Variants in CRISPLD1 observed in about 807,000 individuals in gnomAD.
CRISPLD1 encodes the protein cysteine-rich secretory protein LCCL domain-containing 1.
CRISPLD1 carries 60 observed loss-of-function variants against 77.5 expected under a neutral mutation model. The ratio of observed to expected loss-of-function variants is 0.77; its 90% CI spans 0.63 to 0.96. CRISPLD1 has a LOEUF of 0.96. Among genes scored for constraint, CRISPLD1 ranks in the 40% least tolerant of loss-of-function variants. The pLI, the probability that CRISPLD1 is intolerant of heterozygous loss-of-function variation, is 0.00. For missense variants in CRISPLD1, 623 were observed against 615.8 expected, an observed-to-expected ratio of 1.01 and a Z score of -0.12; for synonymous variants, 195 against 200.1, an observed-to-expected ratio of 0.97 and a Z score of 0.22.
intron 2 of CRISPLD1, 49 bp downstream of exon 2, chr8:74,986,294 C>CT (rs768475761): frequency 6.5e-7 from 1 of 1,547,176 alleles, no homozygotes; most frequent in East Asian, 2.3e-5. Context: ...TTTATTCATG[C>CT]TTTCAGTCAG....
At chr8:74,995,358 A>G (rs565536690) in intron 2 of CRISPLD1, among the ~76,000 whole-genome samples, 11 of 152,360 alleles carry the variant, frequency 7.2e-5, no homozygotes, top group South Asian at 6.2e-4. Flanking sequence ...GGCTACAGAA[A>G]TCTGATAATA....
At position 75,024,877 on chromosome 8, in the gene CRISPLD1, G is replaced by C. The variant is rs530388501; in HGVS notation, c.1245-669G>C. 6.0e-4 allele frequency among the ~76,000 whole-genome samples: 92 copies of C among 152,236 alleles called. 1 individual carries two copies. Among genetic ancestry groups the C allele is most frequent in the South Asian group, 8.3e-4 (4 of 4,820 alleles). On this transcript the variant is annotated intron_variant, in intron 12 of 14. Coordinates refer to ENST00000262207, the MANE Select transcript of CRISPLD1 (RefSeq NM_031461.6). ...TAAGGGAGGGATTGAGGATAGAAAG[G>C]TTTCTGGCCTGAGCACTTGGAATCA...
chr8:74,997,608 A>G (rs916007062), intron 2 of CRISPLD1, among the ~76,000 whole-genome samples: 2 of 152,160 alleles, frequency 1.3e-5, no homozygotes, highest in East Asian at 1.9e-4. Context: ...AAGGTTTTTT[A>G]TAGACAAGGG....
rs139635677 is a variant in CRISPLD1 at position 75,012,868 on chromosome 8, G to A, written c.378-22G>A. 6.0e-5 allele frequency: 95 copies of A among 1,593,932 alleles called. No individual in the cohort carries two copies. In the African/African-American group the frequency reaches 1.1e-3, roughly 18 times the overall value. ...TTTTCTCCAACTTTGCTTGCCCTCT[G>A]TGACTATTTTCTTTCTAATAGATAT... On this transcript the variant is annotated intron_variant, in intron 3 of 14. Transcript: ENST00000262207.
chr8:75,029,232 A>G, intron 13 of CRISPLD1, 155 bp from the exon 14 acceptor site: 1 of 767,486 alleles, frequency 1.3e-6, no homozygotes, highest in East Asian at 2.8e-5. Context: ...CGTTTCAAAC[A>G]CTCTTTTATG....
At chr8:75,025,272 A>G (rs891759182) in intron 12 of CRISPLD1, among the ~76,000 whole-genome samples, 1 of 152,178 alleles carries the variant, frequency 6.6e-6, no homozygotes, top group African/African-American at 2.4e-5. Flanking sequence ...AGATACATTG[A>G]GATGCTTTCT....
Position 75,034,326 on chromosome 8 carries a change from GAATT to G in CRISPLD1, c.*2089_*2092del, listed in dbSNP as rs1813409615. 6.6e-6 allele frequency: 1 copy of G among 151,922 alleles called. No individual in the cohort carries two copies. Among genetic ancestry groups the G allele is most frequent in the Admixed American group, 6.6e-5 (1 of 15,262 alleles). 9.4% of individuals were successfully genotyped at this position (151,922 alleles called of 1,614,324 possible). A position where few individuals can be genotyped will look rare whatever the true frequency, so the allele number is the denominator to read the frequency against. ...TAATATCTCCTTAAGATTGCTCTAC[GAATT>G]AATTGACACATTATGTGTGATGTAC... On this transcript the variant is annotated 3_prime_UTR_variant, in exon 15 of 15. Coordinates refer to ENST00000262207, the MANE Select transcript of CRISPLD1 (RefSeq NM_031461.6).
chr8:75,031,465 G>A (rs529437126), intron 14 of CRISPLD1, among the ~76,000 whole-genome samples: 10 of 151,806 alleles, frequency 6.6e-5, no homozygotes, highest in Non-Finnish European at 7.4e-5. Context: ...CTTGATTTAC[G>A]TTGCTAAATA....
intron 7 of CRISPLD1, 75 bp downstream of exon 7, chr8:75,016,780 A>G (rs1813037132): frequency 1.3e-6 from 2 of 1,560,542 alleles, no homozygotes; most frequent in Admixed American, 3.9e-5. Flanking sequence ...TATTAATTTG[A>G]ACATTTTTAG....
intron 2 of CRISPLD1, among the ~76,000 whole-genome samples, chr8:74,986,579 G>A (rs1332147254): frequency 2.0e-5 from 3 of 152,168 alleles, no homozygotes; most frequent in African/African-American, 7.2e-5. Context: ...CCTAATTCCT[G>A]ATAGAACCTT....
chr8:75,027,726 T>A (rs1161035056), intron 13 of CRISPLD1, among the ~76,000 whole-genome samples: 1 of 152,158 alleles, frequency 6.6e-6, no homozygotes, highest in African/African-American at 2.4e-5. Context: ...AGGATGGAAA[T>A]GTGAGAATCA....
intron 2 of CRISPLD1, among the ~76,000 whole-genome samples, chr8:75,008,606 ATAT>A (rs1812876154): frequency 6.6e-6 from 1 of 152,148 alleles, no homozygotes; most frequent in South Asian, 2.1e-4. Flanking sequence ...TTAGTCACTA[ATAT>A]TAATATTGAT....
At chr8:74,986,499 AG>A (rs527297011) in intron 2 of CRISPLD1, among the ~76,000 whole-genome samples, 19 of 152,308 alleles carry the variant, frequency 1.2e-4, no homozygotes, top group African/African-American at 4.1e-4. Context: ...CTCACCAGGA[AG>A]GTTAATATAG....
chr8:75,026,551 A>G (rs1393933796), intron 13 of CRISPLD1: 2 of 152,234 alleles, frequency 1.3e-5, no homozygotes, highest in Non-Finnish European at 2.9e-5. Context: ...AGAGAGAGGA[A>G]TCCAGCTCAC....
intron 2 of CRISPLD1, 61 bp from the exon 3 acceptor site, chr8:75,012,372 G>C (rs1332450877): frequency 1.1e-6 from 1 of 935,326 alleles, no homozygotes; most frequent in African/African-American, 1.6e-5. Context: ...GCTCAACACT[G>C]TGTTCTGCAG....
intron 2 of CRISPLD1, among the ~76,000 whole-genome samples, chr8:74,992,832 A>G (rs2128781109): frequency 6.6e-6 from 1 of 151,588 alleles, no homozygotes; most frequent in Non-Finnish European, 1.5e-5. Context: ...GTGTATGTTG[A>G]TGCAAACAAT....
intron 2 of CRISPLD1, among the ~76,000 whole-genome samples, chr8:74,988,428 T>G (rs4304306): frequency 0.14 from 21,253 of 152,152 alleles, 1,757 homozygotes; most frequent in African/African-American, 0.24. Context: ...ACCTATTGGT[T>G]CATATTTTAG....
chr8:74,987,561 A>T (rs892597315), intron 2 of CRISPLD1, among the ~76,000 whole-genome samples: 6 of 152,320 alleles, frequency 3.9e-5, no homozygotes, highest in Middle Eastern at 3.4e-3. Context: ...TATGGTTTAA[A>T]TATAATATCT....
intron 2 of CRISPLD1, among the ~76,000 whole-genome samples, chr8:74,991,813 A>C (rs1040930236): frequency 6.6e-6 from 1 of 152,156 alleles, no homozygotes; most frequent in African/African-American, 2.4e-5. Context: ...GGTGTGAGCC[A>C]CCAGACCCGG....
Sources: gnomAD v4.1 joint callset for allele counts (sites outside exome capture counted in the v4.1 genomes callset) on GRCh38, gnomAD v4.1.1 for gene constraint, MANE v1.5 for transcripts, NCBI Gene and HGNC (gene_info 2026-07-23, HGNC 2026-07-21) for gene names.